The following MTHFD2L variants were observed in gnomAD, a reference collection of about 807,000 sequenced individuals.
MTHFD2L encodes the protein bifunctional methylenetetrahydrofolate dehydrogenase/cyclohydrolase 2, mitochondrial.
In MTHFD2L, 29 loss-of-function variants were observed where a neutral mutation model predicts 34.9. That is an observed-to-expected ratio of 0.83 (90% CI 0.62 to 1.13). MTHFD2L has a LOEUF of 1.13. Among genes scored for constraint, MTHFD2L ranks in the 50% most tolerant of loss-of-function variants. MTHFD2L has a pLI of 0.00. For synonymous variants in MTHFD2L, 167 were observed against 155.7 expected, an observed-to-expected ratio of 1.07 and a Z score of -0.54; for missense variants, 481 against 446.5, an observed-to-expected ratio of 1.08 and a Z score of -0.70.
intron 3 of MTHFD2L, chr4:74,194,170 A>C (rs976508209): frequency 6.6e-6 from 1 of 152,166 alleles, no homozygotes; most frequent in Non-Finnish European, 1.5e-5. Context: ...GTGTTTGTTC[A>C]GGGGTCATTC....
chr4:74,287,501 T>C (rs1748329040), intron 7 of MTHFD2L, among the ~76,000 whole-genome samples: 1 of 152,086 alleles, frequency 6.6e-6, no homozygotes, highest in South Asian at 2.1e-4. Flanking sequence ...AATCCCAGCA[T>C]GTTGGGAGAC....
At chr4:74,189,820 G>C (rs1260941084) in intron 3 of MTHFD2L, among the ~76,000 whole-genome samples, 6 of 151,254 alleles carry the variant, frequency 4.0e-5, no homozygotes, top group Admixed American at 4.0e-4. Flanking sequence ...ATCTGTTTTT[G>C]AGTGTATTCA....
At chr4:74,225,658 C>T (rs562616254) in intron 6 of MTHFD2L, among the ~76,000 whole-genome samples, 8 of 152,182 alleles carry the variant, frequency 5.3e-5, no homozygotes, top group South Asian at 2.1e-4. Context: ...ATTGCTTTGA[C>T]GAACATGGTT....
chr4:74,158,220 T>C lies in MTHFD2L; in HGVS notation c.82T>C (p.Ser28Pro), dbSNP rs1449392926. The change falls in exon 1 of 8, where the codon TCC becomes CCC. Residue 28 changes from serine to proline, a missense_variant. Coordinates refer to ENST00000325278, the MANE Select transcript of MTHFD2L (RefSeq NM_001144978.3). ...APALGRSTAP[S>P]VRAPGEPGSA... ...GGCGTTGGGCAGAAGCACAGCACCC[T>C]CCGTAAGGGCACCGGGAGAGCCCGG... is the stretch of plus-strand genomic sequence containing the variant. The C allele has an allele frequency of 2.7e-6, 4 of 1,508,676 alleles. No individual in the cohort carries two copies. Among genetic ancestry groups the C allele is most frequent in the Admixed American group, 2.2e-5 (1 of 44,760 alleles). 93.5% of individuals were successfully genotyped at this position (1,508,676 alleles called of 1,614,324 possible). A position where few individuals can be genotyped will look rare whatever the true frequency, so the allele number is the denominator to read the frequency against.
At chr4:74,229,140 A>G (rs895317917) in intron 6 of MTHFD2L, among the ~76,000 whole-genome samples, 4 of 152,246 alleles carry the variant, frequency 2.6e-5, no homozygotes, top group African/African-American at 9.6e-5. Context: ...TTAGGGGAAG[A>G]AAATTGAGAA....
intron 3 of MTHFD2L, among the ~76,000 whole-genome samples, chr4:74,197,453 G>A (rs935704219): frequency 1.3e-5 from 2 of 152,094 alleles, no homozygotes; most frequent in Non-Finnish European, 2.9e-5. Context: ...CTTAATCTAG[G>A]AATAGTGTTA....
At chr4:74,294,508 G>A (rs963319965) in intron 7 of MTHFD2L, among the ~76,000 whole-genome samples, 1 of 152,038 alleles carries the variant, frequency 6.6e-6, no homozygotes, top group African/African-American at 2.4e-5. Context: ...TCATGACCAC[G>A]TACTTTCTGT....
chr4:74,232,481 C>G (rs577306855), intron 6 of MTHFD2L, among the ~76,000 whole-genome samples: 27 of 152,064 alleles, frequency 1.8e-4, no homozygotes, highest in Non-Finnish European at 2.4e-4. Flanking sequence ...CTATTCTGGC[C>G]CTCACAACCC....
chr4:74,223,464 C>T (rs1466424706), intron 5 of MTHFD2L, among the ~76,000 whole-genome samples: 4 of 151,650 alleles, frequency 2.6e-5, no homozygotes, highest in Non-Finnish European at 4.4e-5. Flanking sequence ...TGAAGCTTAC[C>T]GGTGGGTGGA....
At chr4:74,222,526 C>T (rs545325265) in intron 5 of MTHFD2L, among the ~76,000 whole-genome samples, 1 of 152,192 alleles carries the variant, frequency 6.6e-6, no homozygotes, top group African/African-American at 2.4e-5. Flanking sequence ...AAAGGTTCCA[C>T]CTCTTAATAT....
intron 3 of MTHFD2L, among the ~76,000 whole-genome samples, chr4:74,191,195 C>T (rs1190277259): frequency 2.6e-5 from 4 of 152,168 alleles, no homozygotes; most frequent in Non-Finnish European, 4.4e-5. Context: ...GAAGTGTTGA[C>T]GTGAGCCACT....
chr4:74,175,341 T>C lies in MTHFD2L; in HGVS notation c.389T>C (p.Val130Ala). The change falls in exon 3 of 8, where the codon GTA (valine) becomes GCA (alanine). Residue 130 changes from valine to alanine, a missense_variant. Transcript: ENST00000325278. The part of the protein sequence containing the change: ...KDVSQEELLD[V>A]TDQLNMDPRV... Reference sequence around the variant, plus strand: ...GTTTCTCAGGAAGAACTTTTGGACGTAACTGATCAATTGAATATGGACCCA... The same window carrying C: ...GTTTCTCAGGAAGAACTTTTGGACGCAACTGATCAATTGAATATGGACCCA... The C allele has an allele frequency of 6.2e-7, 1 of 1,613,328 alleles. No individual in the cohort carries two copies. Among genetic ancestry groups the C allele is most frequent in the Non-Finnish European group, 8.5e-7 (1 of 1,179,442 alleles).
upstream of MTHFD2L, among the ~76,000 whole-genome samples, chr4:74,155,922 A>C (rs1724214240): frequency 6.6e-6 from 1 of 151,940 alleles, no homozygotes; most frequent in Admixed American, 6.5e-5. Flanking sequence ...AAAAAAAAAA[A>C]AACACTTTTA....
At chr4:74,171,079 G>A (rs886165921) in intron 1 of MTHFD2L, among the ~76,000 whole-genome samples, 1 of 151,854 alleles carries the variant, frequency 6.6e-6, no homozygotes, top group African/African-American at 2.4e-5. Flanking sequence ...GTATACATAT[G>A]TAATAAACCT....
chr4:74,133,696 C>A (rs963984445), intron 1 of MTHFD2L, among the ~76,000 whole-genome samples: 1 of 152,080 alleles, frequency 6.6e-6, no homozygotes, highest in Non-Finnish European at 1.5e-5. Flanking sequence ...TGTTAAATTT[C>A]TCTGATAAGT....
chr4:74,248,700 C>A (rs1467392050), intron 6 of MTHFD2L, among the ~76,000 whole-genome samples: 1 of 140,918 alleles, frequency 7.1e-6, no homozygotes, highest in East Asian at 2.1e-4. Flanking sequence ...TCATTGGTTT[C>A]AAAGAACATC....
rs769949250 is a variant in MTHFD2L, at chr4:74,268,761, A to C, written c.806-12664A>C. On this transcript the variant is annotated intron_variant, in intron 6 of 7. Coordinates refer to ENST00000325278, the MANE Select transcript of MTHFD2L (RefSeq NM_001144978.3). ...TCTGAGATTATCAAATACACATATG[A>C]AAATATCCAGTTGCGGCTGTAATTA... 2.4e-4 allele frequency among the ~76,000 whole-genome samples: 36 copies of C among 152,318 alleles called. No individual in the cohort carries two copies. The Middle Eastern group carries it at 0.01, about 43-fold the overall frequency.
chr4:74,202,243 C>A (rs1463817621), intron 5 of MTHFD2L, among the ~76,000 whole-genome samples: 1 of 152,176 alleles, frequency 6.6e-6, no homozygotes, highest in East Asian at 1.9e-4. Flanking sequence ...AAGTAGAAAG[C>A]AATTAAGCAC....
At chr4:74,233,617 T>C (rs756211048) in intron 6 of MTHFD2L, among the ~76,000 whole-genome samples, 2 of 152,144 alleles carry the variant, frequency 1.3e-5, no homozygotes, top group African/African-American at 2.4e-5. Context: ...TTATCTATTA[T>C]GAAAAGACTT....
Sources: allele counts gnomAD v4.1 joint callset (sites outside exome capture counted in the v4.1 genomes callset), GRCh38; gene constraint gnomAD v4.1.1; transcripts MANE v1.5; gene names NCBI Gene and HGNC (gene_info 2026-07-23, HGNC 2026-07-21).